Variants in IMMP2L observed in about 807,000 individuals in gnomAD.
The protein encoded by IMMP2L is inner mitochondrial membrane peptidase subunit 2.
A neutral mutation model predicts 19.3 loss-of-function variants in IMMP2L; 18 were observed. The observed-to-expected ratio is 0.93, with a 90% CI of 0.64 to 1.38. IMMP2L has a LOEUF of 1.38. Ranked by LOEUF, IMMP2L falls within the 40% of genes most tolerant of loss-of-function variation. IMMP2L has a pLI of 0.00. For missense variants in IMMP2L, 233 were observed against 218.2 expected, an observed-to-expected ratio of 1.07 and a Z score of -0.43; for synonymous variants, 76 against 73.0, an observed-to-expected ratio of 1.04 and a Z score of -0.21.
intron 3 of IMMP2L, among the ~76,000 whole-genome samples, chr7:111,272,363 T>C (rs1316896256): frequency 6.6e-6 from 1 of 152,180 alleles, no homozygotes; most frequent in Non-Finnish European, 1.5e-5. Context: ...ATGGCATGTC[T>C]AATACAAACC....
At chr7:111,032,382 A>G (rs965444445) in intron 3 of IMMP2L, among the ~76,000 whole-genome samples, 1 of 152,218 alleles carries the variant, frequency 6.6e-6, no homozygotes, top group Non-Finnish European at 1.5e-5. Context: ...CTTCTGCTCT[A>G]TGAAAAGCAC....
At chr7:110,781,030 C>T (rs998748938) in intron 5 of IMMP2L, among the ~76,000 whole-genome samples, 7 of 151,938 alleles carry the variant, frequency 4.6e-5, no homozygotes, top group Admixed American at 3.3e-4. Flanking sequence ...TAAGATTTTA[C>T]ATATGTGTTC....
chr7:111,168,367 C>T (rs1404110489), intron 3 of IMMP2L, among the ~76,000 whole-genome samples: 1 of 151,616 alleles, frequency 6.6e-6, no homozygotes, highest in East Asian at 1.9e-4. Context: ...CCCGTGGTCC[C>T]ATTATGTACG....
At chr7:110,729,119 G>A (rs139546985) in intron 5 of IMMP2L, among the ~76,000 whole-genome samples, 1 of 152,146 alleles carries the variant, frequency 6.6e-6, no homozygotes, top group African/African-American at 2.4e-5. Flanking sequence ...TCCTGACCTC[G>A]TGATCTGCCC....
At chr7:110,901,674 T>C (rs2129547271) in intron 4 of IMMP2L, among the ~76,000 whole-genome samples, 1 of 152,336 alleles carries the variant, frequency 6.6e-6, no homozygotes, top group African/African-American at 2.4e-5. Context: ...TGGAATTCAA[T>C]CTGGATACAG....
chr7:111,168,819 C>A (rs1471937763), intron 3 of IMMP2L, among the ~76,000 whole-genome samples: 1 of 151,718 alleles, frequency 6.6e-6, no homozygotes, highest in African/African-American at 2.4e-5. Flanking sequence ...TTTTGAAATG[C>A]ATATTAGATC....
intron 3 of IMMP2L, among the ~76,000 whole-genome samples, chr7:111,447,774 A>G (rs1838659229): frequency 6.6e-6 from 1 of 151,928 alleles, no homozygotes; most frequent in Non-Finnish European, 1.5e-5. Flanking sequence ...AGTTGGATAA[A>G]GAGTCAAGAC....
At chr7:111,494,235 A>G (rs1443565396) in intron 2 of IMMP2L, among the ~76,000 whole-genome samples, 1 of 152,178 alleles carries the variant, frequency 6.6e-6, no homozygotes, top group East Asian at 1.9e-4. Flanking sequence ...TTCCACCTGT[A>G]TCTCCAAGTA....
In IMMP2L at chr7:110,802,323, ATGTGTGTATG is replaced by A. The variant is rs1448037603; in HGVS notation, c.408+84260_408+84269del. Among the ~76,000 whole-genome samples the A allele has an allele frequency of 9.9e-4, 74 of 74,590 alleles. No homozygotes were observed. In the East Asian group the frequency reaches 0.014, roughly 14 times the overall value. The allele number at this position is 74,590 out of a possible 152,430, so 48.9% of individuals were successfully genotyped here. ...TTTTAAAGACAGTGTGTATGTGTGTATGTGTGTATGTGTGTGTGTGTGTGTGTGTGTGTGT... is the reference window on the plus strand; with the variant it reads ...TTTTAAAGACAGTGTGTATGTGTGTATGTGTGTGTGTGTGTGTGTGTGTGT... On this transcript the variant is annotated intron_variant, in intron 5 of 5. Transcript: ENST00000405709.
intron 5 of IMMP2L, among the ~76,000 whole-genome samples, chr7:110,733,328 G>A (rs1796397566): frequency 6.6e-6 from 1 of 152,184 alleles, no homozygotes; most frequent in South Asian, 2.1e-4. Context: ...GATGGATGAA[G>A]AATTGAGGAA....
At chr7:111,492,508 G>C (rs2132327179) in intron 2 of IMMP2L, 1 of 328,420 alleles carries the variant, frequency 3.0e-6, no homozygotes, top group African/African-American at 2.2e-5. Context: ...GGACTCCTCT[G>C]TAAAGCCTTT....
intron 3 of IMMP2L, among the ~76,000 whole-genome samples, chr7:111,066,946 G>C (rs1794561035): frequency 6.6e-6 from 1 of 152,192 alleles, no homozygotes; most frequent in African/African-American, 2.4e-5. Flanking sequence ...TGGAGCCTCA[G>C]TACAAACTGT....
intron 3 of IMMP2L, among the ~76,000 whole-genome samples, chr7:111,207,971 T>C (rs190272800): frequency 6.6e-6 from 1 of 152,294 alleles, no homozygotes; most frequent in East Asian, 1.9e-4. Context: ...TATCATTATA[T>C]TGCCCATCAT....
intron 3 of IMMP2L, among the ~76,000 whole-genome samples, chr7:111,023,360 T>C (rs1826481423): frequency 6.6e-6 from 1 of 152,132 alleles, no homozygotes. Flanking sequence ...AAACAAATCA[T>C]CTAGACTAGC....
intron 3 of IMMP2L, among the ~76,000 whole-genome samples, chr7:111,302,857 T>C (rs1458664525): frequency 6.6e-6 from 1 of 152,112 alleles, no homozygotes; most frequent in Non-Finnish European, 1.5e-5. Context: ...GTTTTCTTAA[T>C]ATGACTCGTT....
chr7:111,300,776 T>A (rs932539188), intron 3 of IMMP2L, among the ~76,000 whole-genome samples: 1 of 152,156 alleles, frequency 6.6e-6, no homozygotes, highest in African/African-American at 2.4e-5. Flanking sequence ...ATTTCATGTA[T>A]CATACCTTTC....
chr7:110,798,497 G>T (rs1341161209), intron 5 of IMMP2L, among the ~76,000 whole-genome samples: 1 of 151,968 alleles, frequency 6.6e-6, no homozygotes, highest in Non-Finnish European at 1.5e-5. Flanking sequence ...TTAGACGGAT[G>T]AATGATTGAA....
Position 111,342,033 on chromosome 7 carries a change from C to G in IMMP2L, c.239+145205G>C, listed in dbSNP as rs1291245493. Among the ~76,000 whole-genome samples the G allele has an allele frequency of 2.6e-5, 4 of 152,208 alleles. No homozygotes were observed. The East Asian group carries it at 7.7e-4, about 29-fold the overall frequency. ...TTCTATTCATTATAAATTACCCAGT[C>G]TCAGGTAGGCTGTTATAGCGGCACA... On this transcript the variant is annotated intron_variant, in intron 3 of 5. Coordinates refer to ENST00000405709, the MANE Select transcript of IMMP2L (RefSeq NM_032549.4).
chr7:111,492,433 C>G lies in IMMP2L; in HGVS notation c.136-5092G>C, dbSNP rs146627484. ...GATGCCTCATTATCAGACTTCCCCT[C>G]TGTCAAGAATGTTTTTTCCCCACTT... is the stretch of plus-strand genomic sequence containing the variant. On this transcript the variant is annotated intron_variant, in intron 2 of 5. Transcript: ENST00000405709. 994 of 978,834 alleles carry G rather than the reference C, an allele frequency of 1.0e-3. 1 individual carries two copies. Among genetic ancestry groups the G allele is most frequent in the Admixed American group, 1.9e-3 (31 of 16,268 alleles). 60.6% of individuals were successfully genotyped at this position (978,834 alleles called of 1,614,324 possible). A position where few individuals can be genotyped will look rare whatever the true frequency, so the allele number is the denominator to read the frequency against.
Sources: allele counts gnomAD v4.1 joint callset (sites outside exome capture counted in the v4.1 genomes callset), GRCh38; gene constraint gnomAD v4.1.1; transcripts MANE v1.5; gene names NCBI Gene and HGNC (gene_info 2026-07-23, HGNC 2026-07-21).